The following CSF1R variants were observed in gnomAD, a reference collection of about 807,000 sequenced individuals.
The protein encoded by CSF1R is colony stimulating factor 1 receptor, also known as macrophage colony-stimulating factor 1 receptor.
A neutral mutation model predicts 110.0 loss-of-function variants in CSF1R; 40 were observed. The ratio of observed to expected loss-of-function variants is 0.36; its 90% confidence interval spans 0.28 to 0.47. The LOEUF (loss-of-function observed/expected upper bound fraction) is 0.47. Ranked by LOEUF, CSF1R falls within the 20% of genes least tolerant of loss-of-function variation. The pLI is 0.99. For missense variants in CSF1R, 1,052 were observed against 1,253.0 expected (o/e 0.84, Z 2.42); for synonymous variants, 523 against 503.4 (o/e 1.04, Z -0.52).
intron 1 of CSF1R, among the ~76,000 whole-genome samples, chr5:150,100,641 A>T (rs1011691681): frequency 6.6e-6 from 1 of 152,152 alleles, no homozygotes; most frequent in African/African-American, 2.4e-5. Context: ...ATAAATTGAT[A>T]CAACCACTTG....
At chr5:150,091,348 G>A (rs1027523180), upstream of CSF1R, among the ~76,000 whole-genome samples, 1 of 152,160 alleles carries the variant, frequency 6.6e-6, no homozygotes, top group African/African-American at 2.4e-5. Context: ...ATTCAACGCA[G>A]CACAATTTAC....
intron 1 of CSF1R, among the ~76,000 whole-genome samples, chr5:150,105,500 G>A (rs1469489182): frequency 6.6e-6 from 1 of 151,052 alleles, no homozygotes; most frequent in East Asian, 1.9e-4. Flanking sequence ...ACAGGCGTGA[G>A]CCACTACACC....
chr5:150,072,062 T>C (rs1758055207), intron 6 of CSF1R, among the ~76,000 whole-genome samples: 3 of 152,120 alleles, frequency 2.0e-5, no homozygotes. Context: ...GGGACCTGTG[T>C]TGAGGAGGAC....
At chr5:150,095,734 C>T (rs1759202111) in intron 1 of CSF1R, among the ~76,000 whole-genome samples, 1 of 140,438 alleles carries the variant, frequency 7.1e-6, no homozygotes, top group African/African-American at 2.6e-5. Flanking sequence ...AGCTTTTTCA[C>T]TGGAAAAAAA....
rs777496689 is a variant in CSF1R, at chr5:150,059,724, T to C, written c.2108A>G (p.His703Arg). The C allele has an allele frequency of 1.2e-6, 2 of 1,613,886 alleles. No homozygotes were observed. Among genetic ancestry groups the C allele is most frequent in the African/African-American group, 2.7e-5 (2 of 74,898 alleles). The stretch of plus-strand genomic sequence containing the variant: ...CCTGCGGACATATTTCTTCTCGAGG[T>C]GGATGTTCTTATAGTCGACGCCTCC... ...PEGGVDYKNIHLEKKYVRRDS... is the reference protein window; with the variant it reads ...PEGGVDYKNIRLEKKYVRRDS... Residue 703 changes from histidine to arginine, a missense_variant, in exon 14 of 21, where the codon CAC becomes CGC. Around this residue, in one of 5 missense-constraint regions of CSF1R, gnomAD observed 124 missense variants for 117.7 expected, o/e 1.05. Transcript: ENST00000675795.
rs565477483 is a variant in CSF1R, at chr5:150,077,910, C to T, written c.729+202G>A. On this transcript the variant is annotated intron_variant, in intron 4 of 20. Transcript: ENST00000675795. ...CCCCACCCACCCCCACAAAGTTCAGCGGCACAAGCATGAGTCCTGATTCTG... is the reference window on the plus strand; with the variant it reads ...CCCCACCCACCCCCACAAAGTTCAGTGGCACAAGCATGAGTCCTGATTCTG... Among the ~76,000 whole-genome samples, 29 of 150,290 alleles carry T rather than the reference C, an allele frequency of 1.9e-4. No individual in the cohort carries two copies. In the South Asian group the frequency reaches 2.6e-3, roughly 13 times the overall value.
intron 10 of CSF1R, among the ~76,000 whole-genome samples, chr5:150,065,156 C>A (rs1395881240): frequency 6.6e-6 from 1 of 152,228 alleles, no homozygotes; most frequent in Non-Finnish European, 1.5e-5. Flanking sequence ...TTCCTCCCAT[C>A]CTCCCCACCA....
Position 150,060,680 on chromosome 5 carries a change from G to A in CSF1R, c.1969+182C>T, listed in dbSNP as rs10061550. On this transcript the variant is annotated intron_variant, in intron 13 of 20. Coordinates refer to ENST00000675795, the MANE Select transcript of CSF1R (RefSeq NM_001288705.3). ...TCTCTCTTTATACCTCAAGCTGCCC[G>A]TGCAGCTCCTGACTATTCCAGGAGA... 0.045 allele frequency among the ~76,000 whole-genome samples: 6,785 copies of A among 152,224 alleles called. 499 individuals carry two copies. Among genetic ancestry groups the A allele is most frequent in the African/African-American group, 0.15 (6,374 of 41,512 alleles).
At chr5:150,063,889 C>T (rs1046696697) in intron 10 of CSF1R, among the ~76,000 whole-genome samples, 4 of 152,114 alleles carry the variant, frequency 2.6e-5, no homozygotes, top group Non-Finnish European at 4.4e-5. Context: ...GGGCTCCTTC[C>T]CTGGGCACCC....
chr5:150,085,570 C>A (rs538798580), intron 1 of CSF1R, among the ~76,000 whole-genome samples: 14 of 152,228 alleles, frequency 9.2e-5, no homozygotes, highest in African/African-American at 3.4e-4. Flanking sequence ...TGCAGAACTG[C>A]TACAGCCTGG....
intron 1 of CSF1R, among the ~76,000 whole-genome samples, chr5:150,109,289 A>G (rs547881096): frequency 3.9e-5 from 6 of 152,290 alleles, no homozygotes; most frequent in African/African-American, 7.2e-5. Context: ...CTCCTCTCAC[A>G]GGCTAATCGT....
intron 1 of CSF1R, among the ~76,000 whole-genome samples, chr5:150,101,444 A>G (rs565205588): frequency 6.6e-6 from 1 of 152,344 alleles, no homozygotes; most frequent in South Asian, 2.1e-4. Context: ...ATGCAACAAC[A>G]GCTAACTGAT....
intron 4 of CSF1R, 54 bp downstream of exon 4, chr5:150,078,057 AC>A: frequency 6.2e-7 from 1 of 1,605,658 alleles, no homozygotes; most frequent in Non-Finnish European, 8.5e-7. Flanking sequence ...ACCATGGGAA[AC>A]CTGGTGTGCT....
intron 1 of CSF1R, among the ~76,000 whole-genome samples, chr5:150,099,815 A>G (rs1759345010): frequency 6.6e-6 from 1 of 152,308 alleles, no homozygotes; most frequent in Middle Eastern, 3.4e-3. Context: ...ACATGACTAT[A>G]TACATTTGTC....
At position 150,053,541 on chromosome 5, in the gene CSF1R, G is replaced by C. The variant is rs189742476; in HGVS notation, c.*528C>G. 2 of 238,280 alleles carry C rather than the reference G, an allele frequency of 8.4e-6. No homozygotes were observed. The highest frequency in any genetic ancestry group is 1.7e-5 in the Non-Finnish European group (2 of 121,210). 14.8% of individuals were successfully genotyped at this position (238,280 alleles called of 1,614,324 possible). A position where few individuals can be genotyped will look rare whatever the true frequency, so the allele number is the denominator to read the frequency against. On this transcript the variant is annotated 3_prime_UTR_variant, in exon 21 of 21. Transcript: ENST00000675795. Reference sequence around the variant, plus strand: ...GGTGAGGCTGTGGAGTGAAGGCGGCGTATAGGGCAGAGACTAAGAGGTCCT... The same window carrying C: ...GGTGAGGCTGTGGAGTGAAGGCGGCCTATAGGGCAGAGACTAAGAGGTCCT...
At position 150,061,794 on chromosome 5, in the gene CSF1R, T is replaced by A. The variant is rs370659554; in HGVS notation, c.1682A>T (p.Tyr561Phe). ...CAGCTGCGTGGGGTCGATGAAAGTA[T>A]AACTGTTGCCCTCATAGCTCTCGAT... ...KIIESYEGNS[Y>F]TFIDPTQLPY... Residue 561 changes from tyrosine (Y) to phenylalanine (F), a missense_variant, in exon 11 of 21, where the codon TAT (tyrosine) becomes TTT (phenylalanine). This residue lies in a region of CSF1R where 693 missense variants were observed against 735.4 expected (regional missense o/e 0.94). Coordinates refer to ENST00000675795, the MANE Select transcript of CSF1R (RefSeq NM_001288705.3). The A allele has an allele frequency of 1.2e-6, 2 of 1,614,078 alleles. No homozygotes were observed. The highest frequency in any genetic ancestry group is 2.7e-5 in the African/African-American group (2 of 74,912).
intron 1 of CSF1R, among the ~76,000 whole-genome samples, chr5:150,093,146 T>C (rs1759099382): frequency 6.6e-6 from 1 of 152,186 alleles, no homozygotes; most frequent in African/African-American, 2.4e-5. Flanking sequence ...TGGCGTGATC[T>C]TGGCTCACTG....
chr5:150,080,636 T>A (rs1160850114), intron 2 of CSF1R, 131 bp downstream of exon 2: 3 of 1,180,746 alleles, frequency 2.5e-6, no homozygotes, highest in African/African-American at 1.5e-5. Flanking sequence ...CATTAGCAGC[T>A]CTTCCAGGTC....
chr5:150,086,512 C>A lies in CSF1R; in HGVS notation c.-85G>T, dbSNP rs542047418. 2 of 1,327,306 alleles carry A rather than the reference C, an allele frequency of 1.5e-6. No homozygotes were observed. The highest frequency in any genetic ancestry group is 2.9e-5 in the African/African-American group (2 of 69,240). The allele number at this position is 1,327,306 out of a possible 1,614,324, so 82.2% of individuals were successfully genotyped here. ...TCTCAGCTACTAGCTCCGCAGGGATCGGGACACTGGACACACGTTCCTCTC... is the reference window on the plus strand; with the variant it reads ...TCTCAGCTACTAGCTCCGCAGGGATAGGGACACTGGACACACGTTCCTCTC... On this transcript the variant is annotated 5_prime_UTR_variant, in exon 1 of 21. Coordinates refer to ENST00000675795, the MANE Select transcript of CSF1R (RefSeq NM_001288705.3).
Sources: allele counts gnomAD v4.1 joint callset (sites outside exome capture counted in the v4.1 genomes callset), GRCh38; gene constraint gnomAD v4.1.1; regional missense constraint gnomAD v4.1.1; transcripts MANE v1.5; gene names NCBI Gene and HGNC (gene_info 2026-07-23, HGNC 2026-07-21).